The following CPQ variants were observed in gnomAD, a reference collection of about 807,000 sequenced individuals.
CPQ encodes carboxypeptidase Q.
Under a neutral mutation model 45.7 loss-of-function variants are expected in CPQ, and 37 were observed. The ratio of observed to expected loss-of-function variants is 0.81; its 90% CI spans 0.62 to 1.07. The LOEUF (loss-of-function observed/expected upper bound fraction) is 1.07, where lower values mean the gene tolerates loss of function less well. CPQ is among the 50% of genes least tolerant of loss of function. CPQ has a pLI of 0.00. For synonymous variants in CPQ, 186 were observed against 205.8 expected, an observed-to-expected ratio of 0.90 and a Z score of 0.82; for missense variants, 537 against 572.9, an observed-to-expected ratio of 0.94 and a Z score of 0.64.
intron 4 of CPQ, among the ~76,000 whole-genome samples, chr8:96,888,607 T>C (rs1205803193): frequency 6.6e-6 from 1 of 152,172 alleles, no homozygotes; most frequent in East Asian, 1.9e-4. Flanking sequence ...TCGAATACAG[T>C]TGGGAACTTT....
chr8:97,132,880 G>A (rs1188805720), intron 7 of CPQ: 3 of 152,156 alleles, frequency 2.0e-5, no homozygotes, highest in Non-Finnish European at 4.4e-5. Context: ...AAAAGAGAGT[G>A]GGCAATAAAT....
At chr8:96,914,454 T>C (rs1014784760) in intron 4 of CPQ, among the ~76,000 whole-genome samples, 1 of 152,118 alleles carries the variant, frequency 6.6e-6, no homozygotes, top group Non-Finnish European at 1.5e-5. Flanking sequence ...TAATAAACAC[T>C]GTGAGGTTGG....
At chr8:96,989,514 C>A (rs1293724942) in intron 5 of CPQ, among the ~76,000 whole-genome samples, 1 of 147,290 alleles carries the variant, frequency 6.8e-6, no homozygotes, top group African/African-American at 2.5e-5. Context: ...AGGAGAGGAG[C>A]GGAGAGGAGA....
chr8:96,743,049 T>C (rs2130780063), intron 1 of CPQ, among the ~76,000 whole-genome samples: 1 of 152,334 alleles, frequency 6.6e-6, no homozygotes, highest in African/African-American at 2.4e-5. Flanking sequence ...GAAGTTCTCC[T>C]GGATAATATC....
intron 5 of CPQ, among the ~76,000 whole-genome samples, chr8:97,021,510 G>C (rs1043965109): frequency 6.6e-6 from 1 of 152,158 alleles, no homozygotes; most frequent in African/African-American, 2.4e-5. Context: ...ATTCAGAAAA[G>C]TTTCCGGATA....
chr8:96,744,773 T>C (rs1008737139), intron 1 of CPQ, among the ~76,000 whole-genome samples: 45 of 152,182 alleles, frequency 3.0e-4, no homozygotes, highest in African/African-American at 1.1e-3. Context: ...AGTCTGACAA[T>C]ATTTGTCTTT....
At chr8:96,851,748 A>T (rs1811773834) in intron 3 of CPQ, among the ~76,000 whole-genome samples, 1 of 152,204 alleles carries the variant, frequency 6.6e-6, no homozygotes, top group Non-Finnish European at 1.5e-5. Context: ...AAAGGGGGAA[A>T]ACTGCAAACA....
intron 3 of CPQ, among the ~76,000 whole-genome samples, chr8:96,860,055 T>A (rs1398707638): frequency 6.6e-6 from 1 of 152,286 alleles, no homozygotes; most frequent in Middle Eastern, 3.4e-3. Flanking sequence ...TTGGCCCTAG[T>A]ACCAAACAGT....
At chr8:96,842,181 CACTCCCTTTGTTTTTT>C (rs1563510758) in intron 3 of CPQ, among the ~76,000 whole-genome samples, 2 of 152,084 alleles carry the variant, frequency 1.3e-5, no homozygotes. Context: ...TTGCTTTCCC[CACTCCCTTTGTTTTTT>C]AATGGGAAAA....
chr8:96,939,677 A>G (rs905596576), intron 4 of CPQ, among the ~76,000 whole-genome samples: 6 of 152,110 alleles, frequency 3.9e-5, no homozygotes, highest in South Asian at 2.1e-4. Flanking sequence ...ATAACACTCC[A>G]TTGTGTGAAT....
intron 7 of CPQ, among the ~76,000 whole-genome samples, chr8:97,073,507 AAGC>A (rs1810790475): frequency 6.6e-6 from 1 of 152,190 alleles, no homozygotes; most frequent in African/African-American, 2.4e-5. Flanking sequence ...GCTCCATGGT[AAGC>A]AGACTTCGCC....
chr8:96,832,700 C>A (rs535425621), intron 2 of CPQ, among the ~76,000 whole-genome samples: 19 of 152,170 alleles, frequency 1.2e-4, no homozygotes, highest in African/African-American at 3.9e-4. Context: ...TTGAGGGATG[C>A]ATAGGTACTG....
intron 1 of CPQ, among the ~76,000 whole-genome samples, chr8:96,666,504 A>G (rs1808926573): frequency 6.6e-6 from 1 of 152,160 alleles, no homozygotes; most frequent in African/African-American, 2.4e-5. Context: ...AGGGTGAGGA[A>G]TGGTATTGTG....
chr8:97,011,229 A>C (rs938307021), intron 5 of CPQ, among the ~76,000 whole-genome samples: 2 of 152,202 alleles, frequency 1.3e-5, no homozygotes, highest in Admixed American at 1.3e-4. Context: ...TTAGGGACTG[A>C]TTGCTTATCT....
chr8:96,853,009 TGAA>T (rs1811791673), intron 3 of CPQ, among the ~76,000 whole-genome samples: 2 of 152,272 alleles, frequency 1.3e-5, no homozygotes, highest in South Asian at 4.1e-4. Context: ...GGCACATATT[TGAA>T]GAAGTCTTAA....
At chr8:97,084,973 C>A (rs529731623) in intron 7 of CPQ, among the ~76,000 whole-genome samples, 1 of 152,130 alleles carries the variant, frequency 6.6e-6, no homozygotes, top group Non-Finnish European at 1.5e-5. Context: ...TAGTGTATTT[C>A]TTGGCTTCTG....
rs901305236 is a variant in CPQ at position 96,698,634 on chromosome 8, C to G, written c.-35+53232C>G. The stretch of plus-strand genomic sequence containing the variant: ...TAATAGCCATAATATGTAAGCAGCT[C>G]AAACAGCTCTATAGGAAAAAATATA... On this transcript the variant is annotated intron_variant, in intron 1 of 7. Transcript: ENST00000220763. Among the ~76,000 whole-genome samples the G allele has an allele frequency of 2.0e-5, 3 of 152,008 alleles. No individual in the cohort carries two copies. In the East Asian group the frequency reaches 5.8e-4, roughly 29 times the overall value.
chr8:96,825,524 TG>T (rs2130841229), intron 2 of CPQ, among the ~76,000 whole-genome samples: 1 of 152,210 alleles, frequency 6.6e-6, no homozygotes, highest in East Asian at 1.9e-4. Flanking sequence ...TAAAACTATT[TG>T]GTACTGGCTT....
chr8:96,835,016 G>T lies in CPQ; in HGVS notation c.477G>T (p.Leu159=), dbSNP rs529828583. ...TGGTGGTGACCTCTTTCGATGAACT[G>T]CAGAGAAGGGCCTCAGAAGCAAGAG... The part of the protein sequence containing the change: ...EVLVVTSFDE[L]QRRASEARGK... The change falls in exon 3 of 8, where the codon CTG becomes CTT. Residue 159 remains leucine (L), a synonymous_variant. Transcript: ENST00000220763. 2.5e-6 allele frequency: 4 copies of T among 1,613,730 alleles called. No homozygotes were observed. The highest frequency in any genetic ancestry group is 2.2e-5 in the East Asian group (1 of 44,852).
Sources: gnomAD v4.1 joint callset for allele counts (sites outside exome capture counted in the v4.1 genomes callset) on GRCh38, gnomAD v4.1.1 for gene constraint, MANE v1.5 for transcripts, NCBI Gene and HGNC (gene_info 2026-07-23, HGNC 2026-07-21) for gene names.